TECTA: variants seen among roughly 807,000 people sequenced by gnomAD.
The protein encoded by TECTA is alpha-tectorin.
In TECTA, 128 loss-of-function variants were observed where a neutral mutation model predicts 216.8. That is an observed-to-expected ratio of 0.59 (90% CI 0.51 to 0.68). The LOEUF is 0.68. Ranked by LOEUF, TECTA falls within the 30% of genes least tolerant of loss-of-function variation. TECTA has a pLI of 0.00. For synonymous variants in TECTA, 1,089 were observed against 1,117.1 expected (o/e 0.97, Z 0.50); for missense variants, 2,551 against 2,786.2 (o/e 0.92, Z 1.90).
At chr11:121,129,149 C>T (rs867323152) in intron 9 of TECTA, among the ~76,000 whole-genome samples, 6 of 152,230 alleles carry the variant, frequency 3.9e-5, no homozygotes, top group Middle Eastern at 6.8e-3. Flanking sequence ...GCCACATTGG[C>T]AGAGATTTAT....
At chr11:121,168,391 G>A in intron 19 of TECTA, 174 bp downstream of exon 19, 1 of 968,650 alleles carries the variant, frequency 1.0e-6, no homozygotes, top group South Asian at 1.4e-5. Context: ...TGTGACGATG[G>A]AAATATTCCA....
intron 2 of TECTA, among the ~76,000 whole-genome samples, chr11:121,103,401 C>G (rs1437677605): frequency 6.6e-6 from 1 of 152,052 alleles, no homozygotes; most frequent in African/African-American, 2.4e-5. Flanking sequence ...TTGTCTAGTT[C>G]AAGTGGCACA....
At chr11:121,118,840 A>C in intron 7 of TECTA, 122 bp downstream of exon 7, 4 of 1,297,734 alleles carry the variant, frequency 3.1e-6, no homozygotes, top group Non-Finnish European at 3.3e-6. Context: ...AGAGATGCAC[A>C]GCTCTCCCCG....
In TECTA at chr11:121,146,322, A is replaced by G. The variant is rs549484794; in HGVS notation, c.4105+206A>G. The G allele has an allele frequency of 3.7e-5, 23 of 626,968 alleles. No individual in the cohort carries two copies. The East Asian group carries it at 4.4e-4, about 12-fold the overall frequency. 38.8% of individuals were successfully genotyped at this position (626,968 alleles called of 1,614,324 possible). ...TCCTTATTGGTAAAATGGAGTTAAT[A>G]TCACTTATTTCATGGGTTACCCTGA... On this transcript the variant is annotated intron_variant, in intron 12 of 23. Transcript: ENST00000392793.
At chr11:121,171,337 A>G (rs1351146145) in intron 20 of TECTA, among the ~76,000 whole-genome samples, 2 of 152,168 alleles carry the variant, frequency 1.3e-5, no homozygotes, top group Non-Finnish European at 2.9e-5. Flanking sequence ...GCTTCACACT[A>G]TACTTAAAAG....
At chr11:121,142,424 G>A (rs1301459937) in intron 11 of TECTA, among the ~76,000 whole-genome samples, 5 of 152,150 alleles carry the variant, frequency 3.3e-5, no homozygotes, top group African/African-American at 7.2e-5. Context: ...GGCAGCATGC[G>A]TGGGGTTTCT....
At chr11:121,109,777 A>G (rs947829257) in intron 4 of TECTA, 3 of 436,808 alleles carry the variant, frequency 6.9e-6, no homozygotes, top group Non-Finnish European at 1.3e-5. Context: ...TGTAAGTGAC[A>G]TTGCTGTTTT....
chr11:121,150,525 G>C (rs927782004), intron 12 of TECTA, among the ~76,000 whole-genome samples: 9 of 151,656 alleles, frequency 5.9e-5, no homozygotes, highest in Middle Eastern at 3.4e-3. Context: ...ATCTTTACAT[G>C]GCAAAGAGAT....
chr11:121,168,709 G>T lies in TECTA; in HGVS notation c.5783G>T (p.Gly1928Val). The part of the protein sequence containing the change: ...VINLTVPTQE[G>V]SFITKMALYK... Reference sequence around the variant, plus strand: ...AACCTGACAGTTCCAACCCAAGAAGGCAGCTTCATCACCAAGATGGCTCTC... The same window carrying T: ...AACCTGACAGTTCCAACCCAAGAAGTCAGCTTCATCACCAAGATGGCTCTC... The change falls in exon 20 of 24, where the codon GGC becomes GTC. Residue 1928 changes from glycine (G) to valine (V), a missense_variant. Transcript: ENST00000392793. 3 of 1,614,120 alleles carry T rather than the reference G, an allele frequency of 1.9e-6. No homozygotes were observed. Among genetic ancestry groups the T allele is most frequent in the Non-Finnish European group, 2.5e-6 (3 of 1,180,008 alleles).
intron 3 of TECTA, 107 bp from the exon 4 acceptor site, chr11:121,109,104 A>T: frequency 7.8e-7 from 1 of 1,277,844 alleles, no homozygotes; most frequent in Non-Finnish European, 1.1e-6. Flanking sequence ...TCAGTAGTTT[A>T]AAAGTTGTTT....
intron 20 of TECTA, among the ~76,000 whole-genome samples, chr11:121,179,441 T>G (rs575221654): frequency 2.0e-5 from 3 of 152,162 alleles, no homozygotes; most frequent in African/African-American, 4.8e-5. Flanking sequence ...AGGACTTGGT[T>G]TTTGGCCTAA....
intron 12 of TECTA, among the ~76,000 whole-genome samples, chr11:121,150,643 A>ATTTTTTTT (rs202043512): frequency 3.9e-5 from 5 of 127,946 alleles, no homozygotes; most frequent in Non-Finnish European, 4.8e-5. Context: ...GCCTATTTTA[A>ATTTTTTTT]TTTTTTTTTT....
intron 10 of TECTA, among the ~76,000 whole-genome samples, 170 bp from the exon 11 acceptor site, chr11:121,137,251 C>T (rs532578959): frequency 1.6e-4 from 25 of 152,174 alleles, no homozygotes; most frequent in Admixed American, 7.8e-4. Flanking sequence ...CACACACGCA[C>T]GTGCACACAC....
intron 20 of TECTA, among the ~76,000 whole-genome samples, chr11:121,186,512 G>T (rs1185940621): frequency 6.6e-6 from 1 of 152,172 alleles, no homozygotes; most frequent in Non-Finnish European, 1.5e-5. Flanking sequence ...GAGAGTTGGT[G>T]GTCTGGTTAA....
chr11:121,158,594 C>T (rs1446430989), intron 14 of TECTA, among the ~76,000 whole-genome samples: 1 of 152,150 alleles, frequency 6.6e-6, no homozygotes, highest in Non-Finnish European at 1.5e-5. Flanking sequence ...TTGGCTCTGC[C>T]CTCTTGTAGT....
intron 15 of TECTA, 77 bp downstream of exon 15, chr11:121,160,498 A>C: frequency 6.3e-7 from 1 of 1,581,494 alleles, no homozygotes. Flanking sequence ...TGAATGAGGA[A>C]TGCCTTTTCC....
At chr11:121,173,160 G>A (rs950413549) in intron 20 of TECTA, among the ~76,000 whole-genome samples, 4 of 152,156 alleles carry the variant, frequency 2.6e-5, no homozygotes, top group South Asian at 2.1e-4. Flanking sequence ...TCTGGTGGTA[G>A]TTTCTTTTGC....
At chr11:121,178,517 AGTGT>A (rs3222565) in intron 20 of TECTA, among the ~76,000 whole-genome samples, 1,575 of 127,214 alleles carry the variant, frequency 0.012, 19 homozygotes, top group Middle Eastern at 0.06. Context: ...GCTTGTAGTT[AGTGT>A]GTGTGTGTGT....
At chr11:121,155,536 C>T (rs1160129538) in intron 13 of TECTA, among the ~76,000 whole-genome samples, 1 of 152,170 alleles carries the variant, frequency 6.6e-6, no homozygotes, top group Non-Finnish European at 1.5e-5. Context: ...AAGTGCACTG[C>T]AATCAGGAAA....
Sources: gnomAD v4.1 joint callset for allele counts (sites outside exome capture counted in the v4.1 genomes callset) on GRCh38, gnomAD v4.1.1 for gene constraint, MANE v1.5 for transcripts, NCBI Gene and HGNC (gene_info 2026-07-23, HGNC 2026-07-21) for gene names.